The following KCNQ5 variants were observed in gnomAD, a reference collection of about 807,000 sequenced individuals.
The protein encoded by KCNQ5 is potassium voltage-gated channel subfamily KQT member 5.
In KCNQ5, 30 loss-of-function variants were observed where a neutral mutation model predicts 98.2. The ratio of observed to expected loss-of-function variants is 0.31; its 90% CI spans 0.23 to 0.41. The LOEUF is 0.41. KCNQ5 is among the 10% of genes least tolerant of loss of function. The probability of loss-of-function intolerance (pLI) is 1.00; values close to 1 mark genes in which losing one functional copy is unlikely to be tolerated. For missense variants in KCNQ5, 835 were observed against 1,182.5 expected (o/e 0.71, Z 4.31); for synonymous variants, 458 against 449.4 (o/e 1.02, Z -0.24).
chr6:72,988,142 C>T (rs1198269134), intron 1 of KCNQ5, among the ~76,000 whole-genome samples: 1 of 152,176 alleles, frequency 6.6e-6, no homozygotes, highest in African/African-American at 2.4e-5. Flanking sequence ...TCAATGTGTA[C>T]AGATGACCTT....
At chr6:73,085,905 A>G (rs771085518) in intron 5 of KCNQ5, among the ~76,000 whole-genome samples, 1 of 152,206 alleles carries the variant, frequency 6.6e-6, no homozygotes, top group Non-Finnish European at 1.5e-5. Flanking sequence ...TGCTGTGACC[A>G]AACCATGAAA....
chr6:73,149,185 G>A (rs1486832988), intron 10 of KCNQ5, among the ~76,000 whole-genome samples: 1 of 152,150 alleles, frequency 6.6e-6, no homozygotes, highest in Non-Finnish European at 1.5e-5. Context: ...AGAAGTTATG[G>A]AATGAGATGG....
chr6:73,110,016 T>C (rs1201558924), intron 6 of KCNQ5, among the ~76,000 whole-genome samples: 1 of 152,176 alleles, frequency 6.6e-6, no homozygotes, highest in Non-Finnish European at 1.5e-5. Context: ...AGCCAAGTTG[T>C]TATTCAGTTG....
At chr6:72,719,649 A>C (rs1447951147) in intron 1 of KCNQ5, among the ~76,000 whole-genome samples, 1 of 152,130 alleles carries the variant, frequency 6.6e-6, no homozygotes, top group Non-Finnish European at 1.5e-5. Flanking sequence ...GGTGGCACCT[A>C]TTCTTGGCAG....
chr6:72,702,751 T>TA (rs1225205217), intron 1 of KCNQ5, among the ~76,000 whole-genome samples: 8 of 152,158 alleles, frequency 5.3e-5, no homozygotes, highest in East Asian at 1.9e-4. Flanking sequence ...GCAATTGATT[T>TA]AAAAAAATGG....
chr6:73,042,671 C>T (rs974952461), intron 3 of KCNQ5, among the ~76,000 whole-genome samples: 3 of 152,086 alleles, frequency 2.0e-5, no homozygotes, highest in African/African-American at 7.2e-5. Context: ...ATCCAAAATA[C>T]CCAAATACAT....
Position 73,096,826 on chromosome 6 carries a change from T to C in KCNQ5, c.919-8431T>C, listed in dbSNP as rs76587039. ...GGGAGGCCAAGGCAGGGGGATCATT[T>C]GAAGTCAAAAGTTCAAGACCAGCCT... On this transcript the variant is annotated intron_variant, in intron 5 of 13. Transcript: ENST00000370398. Among the ~76,000 whole-genome samples, 719 of 152,216 alleles carry C rather than the reference T, an allele frequency of 4.7e-3. 9 individuals carry two copies. Among genetic ancestry groups the C allele is most frequent in the African/African-American group, 0.016 (677 of 41,540 alleles).
intron 1 of KCNQ5, among the ~76,000 whole-genome samples, chr6:72,639,979 T>C (rs1582026136): frequency 6.6e-6 from 1 of 151,998 alleles, no homozygotes; most frequent in South Asian, 2.1e-4. Context: ...AATGGCAACA[T>C]TGGGAGCTAT....
intron 1 of KCNQ5, among the ~76,000 whole-genome samples, chr6:72,920,475 C>T (rs995276631): frequency 5.9e-5 from 9 of 152,164 alleles, no homozygotes; most frequent in Non-Finnish European, 2.9e-5. Context: ...CGTGACCCTA[C>T]GCAGATCATT....
intron 1 of KCNQ5, among the ~76,000 whole-genome samples, chr6:72,842,256 G>A (rs531729373): frequency 1.3e-5 from 2 of 152,202 alleles, no homozygotes; most frequent in East Asian, 1.9e-4. Context: ...AAATCATTAC[G>A]TCTCCACTGT....
chr6:73,021,718 A>G (rs1016008038), intron 2 of KCNQ5, among the ~76,000 whole-genome samples: 53 of 152,326 alleles, frequency 3.5e-4, no homozygotes, highest in African/African-American at 1.2e-3. Flanking sequence ...TATAGGTTCA[A>G]TGCCTCCATG....
In KCNQ5 at chr6:72,704,637, T is replaced by TAAAA. The variant is rs75954842; in HGVS notation, c.398+82057_398+82060dup. On this transcript the variant is annotated intron_variant, in intron 1 of 13. Coordinates refer to ENST00000370398, the MANE Select transcript of KCNQ5 (RefSeq NM_019842.4). ...AGGGGATATTAATTGTTATAAATGATAAAAAAAAAAGTTACTTCCATTCAT... is the reference window on the plus strand; with the variant it reads ...AGGGGATATTAATTGTTATAAATGATAAAAAAAAAAAAAAGTTACTTCCATTCAT... Among the ~76,000 whole-genome samples the TAAAA allele has an allele frequency of 9.3e-3, 1,396 of 150,264 alleles. 13 individuals are homozygous for TAAAA. Among genetic ancestry groups the TAAAA allele is most frequent in the East Asian group, 0.02 (102 of 5,124 alleles).
intron 1 of KCNQ5, among the ~76,000 whole-genome samples, chr6:72,838,949 CAAAA>C (rs67894922): frequency 3.5e-3 from 203 of 58,704 alleles, no homozygotes; most frequent in African/African-American, 0.012. Flanking sequence ...GACTCCGTCT[CAAAA>C]AAAAAAAAAA....
intron 1 of KCNQ5, among the ~76,000 whole-genome samples, chr6:72,827,771 G>A (rs1166372502): frequency 1.3e-5 from 2 of 151,908 alleles, no homozygotes; most frequent in Non-Finnish European, 2.9e-5. Flanking sequence ...TGTTTCCTGT[G>A]CTTTCGAGGT....
chr6:72,904,723 T>C (rs1038018785), intron 1 of KCNQ5, among the ~76,000 whole-genome samples: 4 of 152,212 alleles, frequency 2.6e-5, no homozygotes, highest in Admixed American at 1.3e-4. Context: ...GGATTTCTGC[T>C]TAGAAATCTG....
At chr6:72,637,695 G>A (rs2098924987) in intron 1 of KCNQ5, among the ~76,000 whole-genome samples, 3 of 152,104 alleles carry the variant, frequency 2.0e-5, no homozygotes, top group Admixed American at 1.3e-4. Context: ...TATCATGCCT[G>A]ATGATAAAAT....
intron 1 of KCNQ5, among the ~76,000 whole-genome samples, chr6:72,862,097 A>G (rs2150153781): frequency 6.6e-6 from 1 of 152,230 alleles, no homozygotes; most frequent in Middle Eastern, 3.4e-3. Flanking sequence ...TCCCACAGGC[A>G]AGTTAACTGA....
chr6:72,645,735 G>A (rs12193274), intron 1 of KCNQ5, among the ~76,000 whole-genome samples: 1 of 151,952 alleles, frequency 6.6e-6, no homozygotes, highest in African/African-American at 2.4e-5. Flanking sequence ...AGAGCATTCA[G>A]TTGTGGTTTG....
At chr6:72,872,266 T>C (rs1778240949) in intron 1 of KCNQ5, among the ~76,000 whole-genome samples, 2 of 152,182 alleles carry the variant, frequency 1.3e-5, no homozygotes, top group South Asian at 2.1e-4. Context: ...TAAATTCTAA[T>C]TTTAAGTTAA....
Sources: allele counts gnomAD v4.1 joint callset (sites outside exome capture counted in the v4.1 genomes callset), GRCh38; gene constraint gnomAD v4.1.1; transcripts MANE v1.5; gene names NCBI Gene and HGNC (gene_info 2026-07-23, HGNC 2026-07-21).